The following OXNAD1 variants were observed in gnomAD, a reference collection of about 807,000 sequenced individuals.
OXNAD1 encodes oxidoreductase NAD-binding domain-containing protein 1.
A neutral mutation model predicts 32.9 loss-of-function variants in OXNAD1; 34 were observed. That is an observed-to-expected ratio of 1.03 (90% CI 0.79 to 1.38). The LOEUF is 1.38. OXNAD1 is among the 40% of genes most tolerant of loss of function. The pLI is 0.00. For missense variants in OXNAD1, 407 were observed against 379.4 expected (o/e 1.07, Z -0.60); for synonymous variants, 134 against 135.2 (o/e 0.99, Z 0.06).
At chr3:16,285,015 C>T (rs113716468) in intron 4 of OXNAD1, among the ~76,000 whole-genome samples, 88 of 152,226 alleles carry the variant, frequency 5.8e-4, no homozygotes, top group African/African-American at 1.4e-3. Flanking sequence ...AGAGAGTAGG[C>T]AGGACTAGGA....
rs150203564 is a variant in OXNAD1 at position 16,316,960 on chromosome 3, A to G, written c.*30+13368A>G. On this transcript the variant is annotated intron_variant, in intron 9 of 9. Coordinates refer to the OXNAD1 transcript ENST00000435829. This position sits in a 1 kb window ranked among gnomAD's most constrained non-coding sequence, Gnocchi z 4.5. Reference sequence around the variant, plus strand: ...TGTGGCTGGCAGGACCATTCTGCACAGCCTCACCCTCCACACCCACCCCAC... The same window carrying G: ...TGTGGCTGGCAGGACCATTCTGCACGGCCTCACCCTCCACACCCACCCCAC... 670 of 1,613,970 alleles carry G rather than the reference A, an allele frequency of 4.2e-4. 5 individuals are homozygous for G. In the African/African-American group the frequency reaches 8.3e-3, roughly 20 times the overall value.
chr3:16,326,445 C>T (rs1420859598), intron 9 of OXNAD1, among the ~76,000 whole-genome samples: 2 of 152,208 alleles, frequency 1.3e-5, no homozygotes, highest in Non-Finnish European at 2.9e-5. Context: ...GCCTACCTAG[C>T]CTAGCACAAG....
rs115293564 is a variant in OXNAD1 at position 16,324,494 on chromosome 3, A to C, written c.*31-12618A>C. Among the ~76,000 whole-genome samples the C allele has an allele frequency of 8.6e-5, 13 of 151,958 alleles. No individual in the cohort carries two copies. In the East Asian group the frequency reaches 2.5e-3, roughly 29 times the overall value. On this transcript the variant is annotated intron_variant, in intron 9 of 9. Transcript: ENST00000435829. ...TTCTACTCTCTGCTTCTATGACTCA[A>C]CTTTTTTAGATTCCACGTATGAGAG...
At chr3:16,306,795 A>G (rs1204305886), downstream of OXNAD1, among the ~76,000 whole-genome samples, 1 of 152,022 alleles carries the variant, frequency 6.6e-6, no homozygotes, top group Non-Finnish European at 1.5e-5. Context: ...GCAAGCCTGT[A>G]TTATAAAGTG....
intron 4 of OXNAD1, among the ~76,000 whole-genome samples, chr3:16,278,096 A>G (rs2065473336): frequency 6.6e-6 from 1 of 152,148 alleles, no homozygotes; most frequent in East Asian, 1.9e-4. Flanking sequence ...CAGTGAAAGA[A>G]TTTCTTAAAT....
chr3:16,324,115 T>C (rs564181123), intron 9 of OXNAD1, among the ~76,000 whole-genome samples: 4 of 152,304 alleles, frequency 2.6e-5, no homozygotes, highest in South Asian at 2.1e-4. Flanking sequence ...GTTTTTTTTT[T>C]CCCCTGCTTC....
chr3:16,323,562 G>C (rs1478501196), intron 9 of OXNAD1: 4 of 772,638 alleles, frequency 5.2e-6, no homozygotes, highest in African/African-American at 1.8e-5. Context: ...ACCACCCACA[G>C]GATTATGACA....
At position 16,334,206 on chromosome 3, in the gene OXNAD1, T is replaced by C. The variant is rs1009849422; in HGVS notation, c.*31-2906T>C. Reference sequence around the variant, plus strand: ...CAAAAAACAACAACAAAAAATACCCTGAGATACTATTTTTTCACCTATTGA... The same window carrying C: ...CAAAAAACAACAACAAAAAATACCCCGAGATACTATTTTTTCACCTATTGA... On this transcript the variant is annotated intron_variant, in intron 9 of 9. Coordinates refer to the OXNAD1 transcript ENST00000435829. This position sits in a 1 kb window ranked among gnomAD's most constrained non-coding sequence, Gnocchi z 4.3. Among the ~76,000 whole-genome samples the C allele has an allele frequency of 6.6e-6, 1 of 152,060 alleles. No individual in the cohort carries two copies. The highest frequency in any genetic ancestry group is 2.4e-5 in the African/African-American group (1 of 41,394).
chr3:16,328,887 C>T (rs944298891), intron 9 of OXNAD1, among the ~76,000 whole-genome samples: 15 of 152,186 alleles, frequency 9.9e-5, no homozygotes, highest in East Asian at 5.8e-4. Flanking sequence ...TCCCATCATT[C>T]TCCATGAGAA....
At chr3:16,342,202 TC>T (rs1223398517), downstream of OXNAD1, among the ~76,000 whole-genome samples, 1 of 151,802 alleles carries the variant, frequency 6.6e-6, no homozygotes, top group African/African-American at 2.4e-5. This position sits in a 1 kb window ranked among gnomAD's most constrained non-coding sequence, Gnocchi z 4.0. Flanking sequence ...CACTCCCCTT[TC>T]CCCCCACCCA....
rs2070055904 is a variant in OXNAD1, at chr3:16,329,308, A to G, written c.*31-7804A>G. 6.6e-6 allele frequency among the ~76,000 whole-genome samples: 1 copy of G among 152,178 alleles called. No individual in the cohort carries two copies. Among genetic ancestry groups the G allele is most frequent in the Non-Finnish European group, 1.5e-5 (1 of 68,042 alleles). ...GCCTGATCTCAGGTATCCTGTTACA[A>G]CAGCACAAGTGGACCGAGACAGGGC... On this transcript the variant is annotated intron_variant, in intron 9 of 9. Coordinates refer to the OXNAD1 transcript ENST00000435829. This position sits in a 1 kb window ranked among gnomAD's most constrained non-coding sequence, Gnocchi z 4.5.
intron 4 of OXNAD1, among the ~76,000 whole-genome samples, chr3:16,281,098 A>G (rs766672955): frequency 9.2e-5 from 14 of 152,272 alleles, no homozygotes; most frequent in Non-Finnish European, 1.6e-4. Flanking sequence ...TCCTAATTAT[A>G]TGAACTAGCT....
intron 9 of OXNAD1, among the ~76,000 whole-genome samples, chr3:16,328,076 C>T (rs1398865579): frequency 6.6e-6 from 1 of 152,124 alleles, no homozygotes; most frequent in Non-Finnish European, 1.5e-5. Flanking sequence ...ATGATGGGTG[C>T]AAAGGCACAG....
chr3:16,326,876 C>T, intron 9 of OXNAD1: 2 of 1,612,660 alleles, frequency 1.2e-6, no homozygotes, highest in Non-Finnish European at 1.7e-6. Context: ...ACTTCGACAC[C>T]CTGGGGGAAC....
intron 4 of OXNAD1, among the ~76,000 whole-genome samples, chr3:16,282,290 C>A (rs530657186): frequency 6.6e-6 from 1 of 151,556 alleles, no homozygotes; most frequent in African/African-American, 2.4e-5. Flanking sequence ...TAAATGTCTG[C>A]TCTCCCTGAA....
intron 9 of OXNAD1, among the ~76,000 whole-genome samples, chr3:16,313,205 A>ATTTTTTTTTTTTTTT (rs750491540): frequency 0.047 from 4,863 of 103,148 alleles, 539 homozygotes; most frequent in African/African-American, 0.082. Flanking sequence ...CACCCAGCGG[A>ATTTTTTTTTTTTTTT]TTTTTTTTTT....
At chr3:16,292,192 C>CTTTT (rs34684511) in intron 5 of OXNAD1, among the ~76,000 whole-genome samples, 2 of 134,536 alleles carry the variant, frequency 1.5e-5, no homozygotes, top group African/African-American at 2.7e-5. Flanking sequence ...GTCTTCTTAA[C>CTTTT]TTTTTTTTTT....
downstream of OXNAD1, among the ~76,000 whole-genome samples, chr3:16,338,441 TG>T (rs1334766261): frequency 6.6e-6 from 1 of 152,254 alleles, no homozygotes; most frequent in Non-Finnish European, 1.5e-5. This position sits in a 1 kb window ranked among gnomAD's most constrained non-coding sequence, Gnocchi z 5.3. Context: ...TCCTGTCAGC[TG>T]CTCATCGGGA....
At chr3:16,272,516 A>T (rs1343738413) in intron 4 of OXNAD1, among the ~76,000 whole-genome samples, 1 of 152,200 alleles carries the variant, frequency 6.6e-6, no homozygotes, top group African/African-American at 2.4e-5. Context: ...TCTCATTTAA[A>T]TTTATCTATT....
Sources: allele counts gnomAD v4.1 joint callset (sites outside exome capture counted in the v4.1 genomes callset), GRCh38; gene constraint gnomAD v4.1.1; non-coding constraint Gnocchi (gnomAD v3.1); transcripts MANE v1.5; gene names NCBI Gene and HGNC (gene_info 2026-07-23, HGNC 2026-07-21).